CDH23: variants seen among roughly 807,000 people sequenced by gnomAD.
CDH23 encodes the protein cadherin related 23, also known as cadherin-23.
In CDH23, 189 loss-of-function variants were observed where a neutral mutation model predicts 317.1. The observed-to-expected ratio is 0.60, with a 90% confidence interval of 0.53 to 0.67. CDH23 has a LOEUF of 0.67. Among genes scored for constraint, CDH23 ranks in the 30% least tolerant of loss-of-function variants. The pLI is 0.00. For synonymous variants in CDH23, 1,839 were observed against 1,876.8 expected (o/e 0.98, Z 0.52); for missense variants, 4,401 against 4,592.4 (o/e 0.96, Z 1.20).
In CDH23 at chr10:71,807,519, G is replaced by A. The variant is rs1442593555; in HGVS notation, c.8312G>A (p.Gly2771Asp). The A allele has an allele frequency of 6.2e-7, 1 of 1,613,742 alleles. No individual in the cohort carries two copies. Residue 2771 changes from glycine to aspartate, a missense_variant, in exon 59 of 70, where the codon GGC becomes GAC. Physicochemically the swap from Gly to Asp is moderately conservative, Grantham distance 94. Around this residue, in one of 3 missense-constraint regions of CDH23, gnomAD observed 1,144 missense variants for 1,138.2 expected, o/e 1.01. Coordinates refer to ENST00000224721, the MANE Select transcript of CDH23 (RefSeq NM_022124.6). ...TGTGCCATGATCCCACCCTCAGCCGGCAACGAAGAGAAGAACTTCCATCTG... is the reference window on the plus strand; with the variant it reads ...TGTGCCATGATCCCACCCTCAGCCGACAACGAAGAGAAGAACTTCCATCTG... ...NAIVYYFIAAGNEEKNFHLQP... is the reference protein window; with the variant it reads ...NAIVYYFIAADNEEKNFHLQP...
intron 1 of CDH23, among the ~76,000 whole-genome samples, chr10:71,411,624 G>A (rs1386260955): frequency 2.0e-5 from 3 of 152,182 alleles, no homozygotes; most frequent in African/African-American, 7.2e-5. Context: ...ATGGCAAGGA[G>A]TTCTAGCATA....
chr10:71,599,907 T>C (rs1860104683), intron 9 of CDH23, among the ~76,000 whole-genome samples: 1 of 152,128 alleles, frequency 6.6e-6, no homozygotes, highest in African/African-American at 2.4e-5. Context: ...CCTCTGACAC[T>C]TGACACATCT....
At position 71,755,410 on chromosome 10, in the gene CDH23, G is replaced by C; in HGVS notation, c.4845+13489G>C. 1 of 1,613,542 alleles carries C rather than the reference G, an allele frequency of 6.2e-7. No individual in the cohort carries two copies. Among genetic ancestry groups the C allele is most frequent in the East Asian group, 2.2e-5 (1 of 44,872 alleles). On this transcript the variant is annotated intron_variant, in intron 38 of 69. Coordinates refer to ENST00000224721, the MANE Select transcript of CDH23 (RefSeq NM_022124.6). ...TTGTAGACCAGGAGCAGGATGAGGG[G>C]GAGGCAGAGGATTCCTACGATGCAG... is the stretch of plus-strand genomic sequence containing the variant.
At chr10:71,647,130 T>C in intron 14 of CDH23, 1 of 973,666 alleles carries the variant, frequency 1.0e-6, no homozygotes, top group South Asian at 4.7e-5. Flanking sequence ...CCTTAAGTAG[T>C]TCAAGCAAAA....
At chr10:71,503,795 C>G (rs769055553) in intron 3 of CDH23, among the ~76,000 whole-genome samples, 1 of 152,128 alleles carries the variant, frequency 6.6e-6, no homozygotes, top group African/African-American at 2.4e-5. Flanking sequence ...ACTCGCCACC[C>G]GAGAGGTGAA....
At chr10:71,581,453 C>T (rs921040543) in intron 9 of CDH23, among the ~76,000 whole-genome samples, 1 of 152,186 alleles carries the variant, frequency 6.6e-6, no homozygotes, top group African/African-American at 2.4e-5. Context: ...GATCCGTGGC[C>T]CACAGTTAAC....
intron 3 of CDH23, among the ~76,000 whole-genome samples, chr10:71,500,757 C>CTCTTTTCTTTTCTTT (rs1564618256): frequency 7.0e-6 from 1 of 142,152 alleles, no homozygotes; most frequent in East Asian, 2.2e-4. Context: ...CCCTCTGAGC[C>CTCTTTTCTTTTCTTT]TGTTTTCTTT....
chr10:71,795,725 G>A lies in CDH23; in HGVS notation c.6713-1379G>A, dbSNP rs532114641. On this transcript the variant is annotated intron_variant, in intron 48 of 69. Transcript: ENST00000224721. ...ACCCCTCCCTCCCTCCTCCCACCCC[G>A]TCAGCTCTGAGTCCCCACCATCCTC... is the stretch of plus-strand genomic sequence containing the variant. The A allele has an allele frequency of 6.2e-4, 29 of 46,454 alleles. 1 individual carries two copies. In the South Asian group the frequency reaches 6.4e-3, roughly 10 times the overall value. The allele number at this position is 46,454 out of a possible 1,614,324, so 2.9% of individuals were successfully genotyped here.
intron 9 of CDH23, among the ~76,000 whole-genome samples, chr10:71,601,524 T>TCC (rs1263684645): frequency 6.6e-6 from 1 of 152,172 alleles, no homozygotes; most frequent in Non-Finnish European, 1.5e-5. Context: ...CGAACCCTGG[T>TCC]CCTAGCCACT....
In CDH23 at chr10:71,468,044, G is replaced by A. The variant is rs981053664; in HGVS notation, c.145+21649G>A. On this transcript the variant is annotated intron_variant, in intron 3 of 69. Transcript: ENST00000224721. The stretch of plus-strand genomic sequence containing the variant: ...TCCCTCTTAGAGAGGAATTGCGGGC[G>A]AAACAAACCCTGATGGAAGCTCTGA... Among the ~76,000 whole-genome samples the A allele has an allele frequency of 3.3e-5, 5 of 152,114 alleles. No individual in the cohort carries two copies. The East Asian group carries it at 5.8e-4, about 18-fold the overall frequency.
At chr10:71,484,518 G>A (rs1420459032) in intron 3 of CDH23, among the ~76,000 whole-genome samples, 1 of 152,206 alleles carries the variant, frequency 6.6e-6, no homozygotes, top group Non-Finnish European at 1.5e-5. Context: ...CCCGGCGTTT[G>A]TGTGGCACTC....
intron 1 of CDH23, among the ~76,000 whole-genome samples, chr10:71,408,690 C>T (rs1848220216): frequency 1.3e-5 from 2 of 152,172 alleles, no homozygotes. Context: ...AAGAAGGGAG[C>T]CCATGAATAA....
intron 1 of CDH23, among the ~76,000 whole-genome samples, chr10:71,407,652 C>T (rs1340194709): frequency 6.6e-6 from 1 of 152,228 alleles, no homozygotes; most frequent in Non-Finnish European, 1.5e-5. Context: ...GTATTTCTGG[C>T]CGTGCATCTT....
chr10:71,570,218 G>C (rs1218289807), intron 7 of CDH23, among the ~76,000 whole-genome samples: 1 of 152,178 alleles, frequency 6.6e-6, no homozygotes, highest in Non-Finnish European at 1.5e-5. Flanking sequence ...CACTGAACCA[G>C]TAAATCCCCA....
intron 18 of CDH23, among the ~76,000 whole-genome samples, chr10:71,682,896 C>T (rs1041333272): frequency 2.0e-5 from 3 of 152,308 alleles, no homozygotes; most frequent in Middle Eastern, 3.4e-3. Context: ...GAGGAAATGT[C>T]GTGGGCTTCC....
Position 71,788,943 on chromosome 10 carries a change from T to G in CDH23, c.5824T>G (p.Tyr1942Asp). ...PENPRIARRD[Y>D]DLLLIFLSDE... ...TGCCCCATTCTGCCCCTTGCAGGAT[T>G]ATGACTTGCTTCTGATCTTCCTTTC... Residue 1942 changes from tyrosine (Y) to aspartate (D), a missense_variant, in exon 45 of 70, where the codon TAT (tyrosine) becomes GAT (aspartate). Tyr to Asp is a radical substitution (Grantham distance 160, BLOSUM62 -3). Around this residue, in one of 3 missense-constraint regions of CDH23, gnomAD observed 3,068 missense variants for 3,203.3 expected, o/e 0.96. Transcript: ENST00000224721. The G allele has an allele frequency of 6.4e-7, 1 of 1,556,118 alleles. No homozygotes were observed. The highest frequency in any genetic ancestry group is 1.4e-5 in the African/African-American group (1 of 73,732).
chr10:71,435,662 C>T (rs1849582230), intron 1 of CDH23, among the ~76,000 whole-genome samples: 3 of 152,166 alleles, frequency 2.0e-5, no homozygotes, highest in Admixed American at 1.3e-4. Context: ...TTTCCTGATC[C>T]AGTGGGGAGA....
intron 41 of CDH23, among the ~76,000 whole-genome samples, chr10:71,782,824 AC>A (rs1398769331): frequency 2.0e-5 from 3 of 152,230 alleles, no homozygotes; most frequent in East Asian, 1.9e-4. Flanking sequence ...AGCAGCTTCC[AC>A]CCCCCAGGCA....
At chr10:71,657,914 G>A (rs1356952134) in intron 14 of CDH23, among the ~76,000 whole-genome samples, 1 of 141,474 alleles carries the variant, frequency 7.1e-6, no homozygotes, top group Non-Finnish European at 1.6e-5. Context: ...AATAGAGAGG[G>A]ACACATACAC....
Sources: gnomAD v4.1 joint callset for allele counts (sites outside exome capture counted in the v4.1 genomes callset) on GRCh38, gnomAD v4.1.1 for gene constraint, gnomAD v4.1.1 regional missense constraint, MANE v1.5 for transcripts, NCBI Gene and HGNC (gene_info 2026-07-23, HGNC 2026-07-21) for gene names.